Variants in CALCR observed in about 807,000 individuals in gnomAD.
CALCR encodes the protein calcitonin receptor.
CALCR carries 47 observed loss-of-function variants against 59.5 expected under a neutral mutation model. The ratio of observed to expected loss-of-function variants is 0.79; its 90% CI spans 0.63 to 1.01. The LOEUF is 1.01. CALCR is among the 50% of genes least tolerant of loss of function. CALCR has a pLI of 0.00. For missense variants in CALCR, 566 were observed against 597.1 expected (o/e 0.95, Z 0.54); for synonymous variants, 213 against 211.3 (o/e 1.01, Z -0.07).
At chr7:93,502,520 T>C (rs1801340057) in intron 2 of CALCR, among the ~76,000 whole-genome samples, 1 of 152,154 alleles carries the variant, frequency 6.6e-6, no homozygotes, top group African/African-American at 2.4e-5. Flanking sequence ...TCTGGCTAAG[T>C]TTCGCTGTAT....
intron 2 of CALCR, among the ~76,000 whole-genome samples, chr7:93,507,716 G>C (rs1801455178): frequency 6.8e-6 from 1 of 146,702 alleles, no homozygotes; most frequent in Non-Finnish European, 1.5e-5. Context: ...GACCATCCTG[G>C]CTAACATGGT....
At chr7:93,480,850 A>G (rs975006588) in intron 3 of CALCR, among the ~76,000 whole-genome samples, 1 of 151,788 alleles carries the variant, frequency 6.6e-6, no homozygotes, top group Non-Finnish European at 1.5e-5. Flanking sequence ...GGATGGAGGG[A>G]CCTTTCCCAC....
At chr7:93,428,835 T>C (rs937641326) in intron 13 of CALCR, among the ~76,000 whole-genome samples, 1 of 150,374 alleles carries the variant, frequency 6.7e-6, no homozygotes, top group Non-Finnish European at 1.5e-5. Context: ...GGATTCAGCA[T>C]CTCTTAAATA....
intron 2 of CALCR, among the ~76,000 whole-genome samples, chr7:93,512,882 A>G (rs1300174377): frequency 6.6e-6 from 1 of 152,222 alleles, no homozygotes; most frequent in Non-Finnish European, 1.5e-5. Flanking sequence ...CAATACTGAC[A>G]TAACTTATGA....
chr7:93,559,729 T>A (rs963301248), intron 2 of CALCR: 4 of 152,106 alleles, frequency 2.6e-5, no homozygotes, highest in Non-Finnish European at 4.4e-5. Flanking sequence ...TTTCATAAAT[T>A]GCGGGCAGCA....
rs368578654 is a variant in CALCR at position 93,460,593 on chromosome 7, G to GTATATATATA, written c.648+218_648+227dup. ...AAAAAATATATATATATATATATAT[G>GTATATATATA]TATATATATATATATATATGGTTTG... On this transcript the variant is annotated intron_variant, in intron 8 of 13. Coordinates refer to ENST00000426151, the MANE Select transcript of CALCR (RefSeq NM_001742.4). 9.3e-3 allele frequency among the ~76,000 whole-genome samples: 826 copies of GTATATATATA among 89,266 alleles called. 16 individuals carry two copies. Among genetic ancestry groups the GTATATATATA allele is most frequent in the East Asian group, 0.062 (197 of 3,202 alleles). The allele number at this position is 89,266 out of a possible 152,430, so 58.6% of individuals were successfully genotyped here. A position where few individuals can be genotyped will look rare whatever the true frequency, so the allele number is the denominator to read the frequency against.
intron 3 of CALCR, among the ~76,000 whole-genome samples, chr7:93,481,539 C>T (rs1025581278): frequency 1.3e-5 from 2 of 151,816 alleles, no homozygotes; most frequent in South Asian, 2.1e-4. Flanking sequence ...AGGGAAGATG[C>T]TGGGAAAGGA....
chr7:93,486,815 C>A (rs1421215267), intron 3 of CALCR, 116 bp downstream of exon 3: 1 of 705,940 alleles, frequency 1.4e-6, no homozygotes, highest in African/African-American at 1.9e-5. Context: ...AACTTAGTTT[C>A]GGCTTCTGGA....
At chr7:93,527,461 T>C (rs911996250) in intron 2 of CALCR, among the ~76,000 whole-genome samples, 1 of 152,136 alleles carries the variant, frequency 6.6e-6, no homozygotes, top group African/African-American at 2.4e-5. Context: ...TTCCGTACTA[T>C]AATTGCTACA....
rs1278746454 is a variant in CALCR, at chr7:93,574,690, A to G, written c.-245+2T>C. The G allele has an allele frequency of 1.3e-5, 2 of 152,440 alleles. No individual in the cohort carries two copies. Among genetic ancestry groups the G allele is most frequent in the East Asian group, 1.9e-4 (1 of 5,182 alleles). 9.4% of individuals were successfully genotyped at this position (152,440 alleles called of 1,614,324 possible). A position where few individuals can be genotyped will look rare whatever the true frequency, so the allele number is the denominator to read the frequency against. The stretch of plus-strand genomic sequence containing the variant: ...TACCTCCCCAGAGTCCAGGAGGCTC[A>G]CCTTCCCGGCGCCTTCCTGCGCTCT... On this transcript the variant is annotated splice_donor_variant, in intron 1 of 13. Transcript: ENST00000426151. LOFTEE classifies it low-confidence loss of function (5UTR_SPLICE).
chr7:93,483,738 T>C (rs1445583338), intron 3 of CALCR, among the ~76,000 whole-genome samples: 2 of 151,694 alleles, frequency 1.3e-5, no homozygotes, highest in African/African-American at 2.4e-5. Flanking sequence ...ATCCTACTTA[T>C]TATAAGTGTT....
chr7:93,570,544 G>T (rs1243328847), intron 2 of CALCR, among the ~76,000 whole-genome samples: 5 of 152,158 alleles, frequency 3.3e-5, no homozygotes, highest in African/African-American at 1.2e-4. Context: ...TTACTTCTTT[G>T]AGAAATAACT....
chr7:93,453,747 G>A (rs369243074), intron 8 of CALCR, among the ~76,000 whole-genome samples: 2 of 151,918 alleles, frequency 1.3e-5, no homozygotes, highest in African/African-American at 4.8e-5. Context: ...GAAAGAAACT[G>A]GAGATTGGGT....
chr7:93,463,731 T>C (rs1800386839), intron 7 of CALCR, among the ~76,000 whole-genome samples: 1 of 151,924 alleles, frequency 6.6e-6, no homozygotes, highest in South Asian at 2.1e-4. Flanking sequence ...AAATTAACAT[T>C]AAAAATCCTC....
intron 2 of CALCR, among the ~76,000 whole-genome samples, chr7:93,520,333 T>G (rs1038340390): frequency 1.1e-4 from 17 of 152,060 alleles, no homozygotes; most frequent in African/African-American, 4.1e-4. Flanking sequence ...TTAGATAATT[T>G]TTACTTTCTT....
At chr7:93,566,449 G>A (rs980874874) in intron 2 of CALCR, among the ~76,000 whole-genome samples, 3 of 152,126 alleles carry the variant, frequency 2.0e-5, no homozygotes, top group Non-Finnish European at 2.9e-5. Flanking sequence ...TATCCATTGA[G>A]AGAGGCTCCT....
chr7:93,472,546 T>G, intron 5 of CALCR, 59 bp from the exon 6 acceptor site: 1 of 1,010,836 alleles, frequency 9.9e-7, no homozygotes, highest in Non-Finnish European at 1.6e-6. Flanking sequence ...CAAGGAAAAA[T>G]AATAAATTAA....
At chr7:93,527,894 A>G (rs189847116) in intron 2 of CALCR, among the ~76,000 whole-genome samples, 2 of 152,228 alleles carry the variant, frequency 1.3e-5, no homozygotes, top group East Asian at 1.9e-4. Flanking sequence ...GAAGACACAG[A>G]CCTGTTCAGT....
chr7:93,554,564 C>T (rs762705870), intron 2 of CALCR, among the ~76,000 whole-genome samples: 10 of 151,822 alleles, frequency 6.6e-5, no homozygotes, highest in Middle Eastern at 3.4e-3. Flanking sequence ...GCTAAACCTA[C>T]GGGAGGCAGG....
Sources: allele counts gnomAD v4.1 joint callset (sites outside exome capture counted in the v4.1 genomes callset), GRCh38; gene constraint gnomAD v4.1.1; transcripts MANE v1.5; gene names NCBI Gene and HGNC (gene_info 2026-07-23, HGNC 2026-07-21).